Variants in MAGI1 observed in about 807,000 individuals in gnomAD.
MAGI1 encodes membrane associated guanylate kinase, WW and PDZ domain containing 1, also known as membrane-associated guanylate kinase, WW and PDZ domain-containing protein 1.
Under a neutral mutation model 139.9 loss-of-function variants are expected in MAGI1, and 58 were observed. The observed-to-expected ratio is 0.41, with a 90% confidence interval of 0.34 to 0.52. The LOEUF (loss-of-function observed/expected upper bound fraction) is 0.52. MAGI1 is among the 20% of genes least tolerant of loss of function. The pLI, the probability that MAGI1 is intolerant of heterozygous loss-of-function variation, is 0.12. For missense variants in MAGI1, 1,874 were observed against 1,901.6 expected (o/e 0.99, Z 0.27); for synonymous variants, 812 against 737.9 (o/e 1.10, Z -1.63).
At chr3:66,011,579 G>A (rs186096226) in intron 1 of MAGI1, among the ~76,000 whole-genome samples, 7 of 152,152 alleles carry the variant, frequency 4.6e-5, no homozygotes, top group Admixed American at 1.3e-4. Flanking sequence ...CAGAACAGCC[G>A]CCTCCAATCC....
At position 65,429,626 on chromosome 3, in the gene MAGI1, C is replaced by T. The variant is rs749340270; in HGVS notation, c.2061G>A (p.Val687=). 6 of 1,613,834 alleles carry T rather than the reference C, an allele frequency of 3.7e-6. No individual in the cohort carries two copies. The highest frequency in any genetic ancestry group is 5.1e-6 in the Non-Finnish European group (6 of 1,179,938). The part of the protein sequence containing the change: ...CRGLKEGDLI[V]EVNKKNVQAL... ...CCTGCACGTTCTTCTTATTAACTTC[C>T]ACTATGAGATCCCCTTCTTTCAGGC... The change falls in exon 12 of 23, where the codon GTG becomes GTA. Residue 687 remains valine (V), a synonymous_variant. Transcript: ENST00000402939.
At chr3:65,516,750 C>G (rs1216830675) in intron 2 of MAGI1, among the ~76,000 whole-genome samples, 4 of 45,946 alleles carry the variant, frequency 8.7e-5, no homozygotes, top group African/African-American at 2.6e-4. Flanking sequence ...TTTTTTGAGA[C>G]GGAGTCTCGC....
chr3:65,509,351 C>A (rs544090222), intron 2 of MAGI1, among the ~76,000 whole-genome samples: 4 of 152,150 alleles, frequency 2.6e-5, no homozygotes, highest in African/African-American at 7.2e-5. Flanking sequence ...CCAGCGTGAG[C>A]GACGCAGAAG....
chr3:65,554,679 T>A (rs1254815551), intron 2 of MAGI1, among the ~76,000 whole-genome samples: 2 of 152,186 alleles, frequency 1.3e-5, no homozygotes, highest in Non-Finnish European at 2.9e-5. Flanking sequence ...CATACCTACA[T>A]CAAACCCACC....
chr3:65,796,097 C>T (rs1031959298), intron 1 of MAGI1, among the ~76,000 whole-genome samples: 6 of 151,040 alleles, frequency 4.0e-5, no homozygotes, highest in Non-Finnish European at 8.8e-5. Context: ...AAATTGGCTT[C>T]ACAGGACTGC....
At chr3:65,720,013 G>C (rs555229187) in intron 1 of MAGI1, 8 of 152,182 alleles carry the variant, frequency 5.3e-5, no homozygotes, top group Admixed American at 3.3e-4. Flanking sequence ...CTAAGTTATT[G>C]TTGACAGTAT....
intron 2 of MAGI1, among the ~76,000 whole-genome samples, chr3:65,608,887 C>G (rs1017016798): frequency 3.3e-4 from 50 of 152,232 alleles, no homozygotes; most frequent in Admixed American, 1.5e-3. Context: ...TATATTCATA[C>G]AATCAAAGAC....
intron 1 of MAGI1, among the ~76,000 whole-genome samples, chr3:65,900,653 G>A (rs759982634): frequency 5.3e-5 from 8 of 152,158 alleles, no homozygotes; most frequent in Non-Finnish European, 8.8e-5. Flanking sequence ...CAACTGTGGT[G>A]AACACCACCA....
chr3:65,658,997 G>A (rs563648634), intron 1 of MAGI1, among the ~76,000 whole-genome samples: 8 of 152,128 alleles, frequency 5.3e-5, no homozygotes, highest in Non-Finnish European at 7.4e-5. Context: ...ACTTCTTGCC[G>A]GCTCCTCTTG....
At chr3:65,490,049 T>C (rs1951894035) in intron 3 of MAGI1, among the ~76,000 whole-genome samples, 1 of 152,142 alleles carries the variant, frequency 6.6e-6, no homozygotes, top group African/African-American at 2.4e-5. Flanking sequence ...AAAGACATTT[T>C]ACTGGCAAAT....
intron 1 of MAGI1, among the ~76,000 whole-genome samples, chr3:65,729,730 G>A (rs1466696689): frequency 1.3e-5 from 2 of 152,138 alleles, no homozygotes; most frequent in Non-Finnish European, 2.9e-5. Context: ...CAGCTGTTCT[G>A]GGAATCCAGC....
At chr3:65,487,519 C>T (rs1388616370) in intron 3 of MAGI1, among the ~76,000 whole-genome samples, 2 of 152,184 alleles carry the variant, frequency 1.3e-5, no homozygotes, top group Non-Finnish European at 2.9e-5. Flanking sequence ...TTAAAGCAAG[C>T]TCTCTCTGGA....
At chr3:65,563,052 T>C (rs188910324) in intron 2 of MAGI1, among the ~76,000 whole-genome samples, 4 of 152,328 alleles carry the variant, frequency 2.6e-5, no homozygotes, top group African/African-American at 9.6e-5. Context: ...TTGAGTGCTT[T>C]AGATTTTTTA....
chr3:65,403,858 T>C lies in MAGI1; in HGVS notation c.2168-2388A>G, dbSNP rs149609972. 7.2e-5 allele frequency among the ~76,000 whole-genome samples: 11 copies of C among 152,362 alleles called. No homozygotes were observed. The East Asian group carries it at 1.7e-3, about 24-fold the overall frequency. On this transcript the variant is annotated intron_variant, in intron 12 of 22. Coordinates refer to ENST00000402939, the MANE Select transcript of MAGI1 (RefSeq NM_001033057.2). ...ATTCACAACGATGTTCAGTGCAATA[T>C]TGTTGGTAGAAAAGAGAACTGGAAA...
chr3:65,857,735 A>T (rs2059417615), intron 1 of MAGI1, among the ~76,000 whole-genome samples: 1 of 152,224 alleles, frequency 6.6e-6, no homozygotes, highest in Non-Finnish European at 1.5e-5. Flanking sequence ...CTAGGAAGCT[A>T]GTCAGGTGGT....
At chr3:65,912,193 T>C (rs1374027263) in intron 1 of MAGI1, among the ~76,000 whole-genome samples, 2 of 146,682 alleles carry the variant, frequency 1.4e-5, no homozygotes, top group African/African-American at 2.6e-5. Context: ...AATGAAACAA[T>C]GCATTACTTC....
chr3:65,866,854 T>C (rs1288968662), intron 1 of MAGI1, among the ~76,000 whole-genome samples: 2 of 152,064 alleles, frequency 1.3e-5, no homozygotes, highest in Non-Finnish European at 2.9e-5. Context: ...AGTCAGCTAC[T>C]CGGTGTAAAC....
chr3:65,501,453 CAAAAAA>C (rs35967662), intron 2 of MAGI1, among the ~76,000 whole-genome samples: 14 of 80,648 alleles, frequency 1.7e-4, no homozygotes, highest in South Asian at 1.1e-3. Context: ...GACTCTGTCT[CAAAAAA>C]AAAAAAAAAA....
intron 2 of MAGI1, among the ~76,000 whole-genome samples, chr3:65,534,002 T>C (rs145994773): frequency 0.01 from 1,548 of 152,302 alleles, 27 homozygotes; most frequent in African/African-American, 0.035. Context: ...AGACTGGAGA[T>C]GACTGAAGCC....
Sources: allele counts gnomAD v4.1 joint callset (sites outside exome capture counted in the v4.1 genomes callset), GRCh38; gene constraint gnomAD v4.1.1; transcripts MANE v1.5; gene names NCBI Gene and HGNC (gene_info 2026-07-23, HGNC 2026-07-21).